The following ZNF804B variants were observed in gnomAD, a reference collection of about 807,000 sequenced individuals.
The protein encoded by ZNF804B is zinc finger 804B.
In ZNF804B, 80 loss-of-function variants were observed where a neutral mutation model predicts 101.4. The ratio of observed to expected loss-of-function variants is 0.79; its 90% CI spans 0.66 to 0.95. The LOEUF (loss-of-function observed/expected upper bound fraction) is 0.95. ZNF804B is among the 40% of genes least tolerant of loss of function. The pLI, the probability that ZNF804B is intolerant of heterozygous loss-of-function variation, is 0.00. For synonymous variants in ZNF804B, 622 were observed against 558.8 expected (o/e 1.11, Z -1.59); for missense variants, 1,673 against 1,561.9 (o/e 1.07, Z -1.20).
chr7:88,826,120 AC>A, intron 1 of ZNF804B, among the ~76,000 whole-genome samples: 2 of 152,312 alleles, frequency 1.3e-5, no homozygotes, highest in Admixed American at 1.3e-4. Context: ...AAAAGAAAAT[AC>A]TTAGAAGTGA....
chr7:89,226,902 A>G (rs1789098069), intron 2 of ZNF804B, among the ~76,000 whole-genome samples: 1 of 152,188 alleles, frequency 6.6e-6, no homozygotes, highest in Non-Finnish European at 1.5e-5. Flanking sequence ...ATATAAGAAC[A>G]AAGTTTCATT....
At position 89,218,487 on chromosome 7, in the gene ZNF804B, A is replaced by G. The variant is rs139217865; in HGVS notation, c.249+192A>G. Among the ~76,000 whole-genome samples the G allele has an allele frequency of 3.2e-3, 493 of 152,252 alleles. 3 individuals are homozygous for G. The highest frequency in any genetic ancestry group is 0.011 in the African/African-American group (449 of 41,562). On this transcript the variant is annotated intron_variant, in intron 2 of 3. Transcript: ENST00000333190. ...AGTCATTTTTTCCTAGAACTACTAT[A>G]AAGCTGGAGGTAAACTTAGAGATAA...
At chr7:89,186,196 AAAGT>A (rs1201730232) in intron 1 of ZNF804B, among the ~76,000 whole-genome samples, 1 of 152,156 alleles carries the variant, frequency 6.6e-6, no homozygotes, top group Non-Finnish European at 1.5e-5. Flanking sequence ...AAATAAAAAG[AAAGT>A]ATTTATAAAA....
At chr7:89,060,475 C>A (rs915967223) in intron 1 of ZNF804B, among the ~76,000 whole-genome samples, 6 of 152,066 alleles carry the variant, frequency 3.9e-5, no homozygotes, top group Non-Finnish European at 7.4e-5. Context: ...AGAGCAATAA[C>A]CAGACTGTCA....
intron 1 of ZNF804B, among the ~76,000 whole-genome samples, chr7:88,914,516 C>A (rs11975561): frequency 0.44 from 66,917 of 151,586 alleles, 16,365 homozygotes; most frequent in African/African-American, 0.66. Context: ...CATTCCCTCG[C>A]GTATTTTAGC....
At chr7:89,124,320 T>C (rs1790447663) in intron 1 of ZNF804B, among the ~76,000 whole-genome samples, 1 of 152,128 alleles carries the variant, frequency 6.6e-6, no homozygotes, top group African/African-American at 2.4e-5. Context: ...GTATTTACTC[T>C]ATCCTACGCA....
chr7:88,921,020 A>G (rs1268851018), intron 1 of ZNF804B, among the ~76,000 whole-genome samples: 2 of 152,084 alleles, frequency 1.3e-5, no homozygotes, highest in African/African-American at 4.8e-5. Context: ...TAGCTCATGT[A>G]ATTTTTCTAA....
intron 2 of ZNF804B, among the ~76,000 whole-genome samples, chr7:89,246,326 C>G (rs1219808635): frequency 6.6e-6 from 1 of 152,170 alleles, no homozygotes; most frequent in African/African-American, 2.4e-5. Context: ...GCCCCAGCTG[C>G]TACCCTGAGA....
intron 1 of ZNF804B, among the ~76,000 whole-genome samples, chr7:88,921,992 T>C (rs1481764448): frequency 6.6e-6 from 1 of 152,084 alleles, no homozygotes; most frequent in Non-Finnish European, 1.5e-5. Context: ...AAATTGATTC[T>C]TCTAACTTTA....
intron 1 of ZNF804B, among the ~76,000 whole-genome samples, chr7:88,913,118 A>G (rs1792574329): frequency 6.6e-6 from 1 of 152,170 alleles, no homozygotes; most frequent in Admixed American, 6.5e-5. Flanking sequence ...ACTGGCAAAG[A>G]GTGATATCTA....
At chr7:89,073,406 A>G (rs1789570295) in intron 1 of ZNF804B, among the ~76,000 whole-genome samples, 1 of 152,156 alleles carries the variant, frequency 6.6e-6, no homozygotes, top group African/African-American at 2.4e-5. Flanking sequence ...GAAAGAAATT[A>G]TTCTATTTTT....
intron 1 of ZNF804B, among the ~76,000 whole-genome samples, chr7:88,938,575 A>G (rs367660499): frequency 2.0e-5 from 3 of 152,060 alleles, no homozygotes; most frequent in South Asian, 2.1e-4. Context: ...TATGATTTGT[A>G]GGGCATGACT....
intron 2 of ZNF804B, among the ~76,000 whole-genome samples, chr7:89,244,455 T>C (rs966219867): frequency 6.6e-6 from 1 of 152,118 alleles, no homozygotes; most frequent in Non-Finnish European, 1.5e-5. Flanking sequence ...TTTTGCTAGA[T>C]AACCCTCTAA....
chr7:88,991,075 C>A (rs1451313477), intron 1 of ZNF804B, among the ~76,000 whole-genome samples: 1 of 152,006 alleles, frequency 6.6e-6, no homozygotes, highest in Admixed American at 6.6e-5. Context: ...TGGGTGAAGT[C>A]AAAAATCTGC....
intron 1 of ZNF804B, among the ~76,000 whole-genome samples, chr7:89,167,270 T>C (rs1413422158): frequency 6.7e-6 from 1 of 149,292 alleles, no homozygotes; most frequent in Non-Finnish European, 1.5e-5. Context: ...ACTCTGTCTC[T>C]GCTAAAAATT....
At chr7:89,186,071 C>T (rs997259770) in intron 1 of ZNF804B, among the ~76,000 whole-genome samples, 1 of 151,596 alleles carries the variant, frequency 6.6e-6, no homozygotes, top group African/African-American at 2.4e-5. Context: ...AAAGTTAACT[C>T]TTAGGAAGAA....
intron 1 of ZNF804B, among the ~76,000 whole-genome samples, chr7:89,217,849 G>T (rs113975607): frequency 6.6e-6 from 1 of 152,120 alleles, no homozygotes; most frequent in Non-Finnish European, 1.5e-5. Flanking sequence ...GGCTATGGAG[G>T]ATATAAAGAA....
chr7:88,899,388 A>C (rs1024973615), intron 1 of ZNF804B, among the ~76,000 whole-genome samples: 1 of 152,172 alleles, frequency 6.6e-6, no homozygotes, highest in Non-Finnish European at 1.5e-5. Flanking sequence ...CCAAATATGG[A>C]CAATAAATAG....
chr7:89,147,083 GTA>G (rs147620052), intron 1 of ZNF804B, among the ~76,000 whole-genome samples: 92 of 139,980 alleles, frequency 6.6e-4, no homozygotes, highest in Admixed American at 5.7e-4. Flanking sequence ...GGATAATCAG[GTA>G]TATATATATA....
Sources: allele counts gnomAD v4.1 joint callset (sites outside exome capture counted in the v4.1 genomes callset), GRCh38; gene constraint gnomAD v4.1.1; transcripts MANE v1.5; gene names NCBI Gene and HGNC (gene_info 2026-07-23, HGNC 2026-07-21).